MEF2C: variants seen among roughly 807,000 people sequenced by gnomAD.
MEF2C encodes myocyte enhancer factor 2C, also known as myocyte-specific enhancer factor 2C.
In MEF2C, 6 loss-of-function variants were observed where a neutral mutation model predicts 50.5. The observed-to-expected ratio is 0.12, with a 90% CI of 0.07 to 0.23. The LOEUF (loss-of-function observed/expected upper bound fraction) is 0.23. Ranked by LOEUF, MEF2C falls within the 10% of genes least tolerant of loss-of-function variation. MEF2C has a pLI of 1.00. For synonymous variants in MEF2C, 183 were observed against 228.0 expected, an observed-to-expected ratio of 0.80 and a Z score of 1.78; for missense variants, 276 against 605.0, an observed-to-expected ratio of 0.46 and a Z score of 5.70.
intron 1 of MEF2C, chr5:88,889,324 C>T (rs1287720598): frequency 6.6e-6 from 1 of 152,322 alleles, no homozygotes; most frequent in Non-Finnish European, 1.5e-5. Context: ...TGCCGATCCT[C>T]CCCTCCAACA....
chr5:88,816,465 C>CTTTTT (rs70996497), intron 2 of MEF2C, among the ~76,000 whole-genome samples: 15 of 86,120 alleles, frequency 1.7e-4, no homozygotes, highest in South Asian at 8.7e-4. Context: ...CTGCCTACTG[C>CTTTTT]TTTTTTTTTT....
chr5:88,766,333 T>C (rs1222811016), intron 3 of MEF2C, among the ~76,000 whole-genome samples: 3 of 152,230 alleles, frequency 2.0e-5, no homozygotes, highest in African/African-American at 7.2e-5. Flanking sequence ...CGTTATCAAC[T>C]AGAAAATCCT....
At chr5:88,807,202 C>A (rs980774534) in intron 2 of MEF2C, among the ~76,000 whole-genome samples, 4 of 152,070 alleles carry the variant, frequency 2.6e-5, no homozygotes, top group Admixed American at 1.3e-4. Context: ...GCTAGTCATG[C>A]GAAATTCACT....
At chr5:88,862,392 G>T (rs893540361) in intron 1 of MEF2C, among the ~76,000 whole-genome samples, 1 of 152,020 alleles carries the variant, frequency 6.6e-6, no homozygotes, top group South Asian at 2.1e-4. Context: ...CGTATTCTAC[G>T]TGTCTTATAA....
chr5:88,747,060 C>T (rs1395905277), intron 6 of MEF2C, among the ~76,000 whole-genome samples: 8 of 152,140 alleles, frequency 5.3e-5, no homozygotes, highest in Admixed American at 5.2e-4. Flanking sequence ...GATGAATTTG[C>T]TAAGTGCATA....
At chr5:88,867,483 T>C (rs1452955251) in intron 1 of MEF2C, among the ~76,000 whole-genome samples, 1 of 152,178 alleles carries the variant, frequency 6.6e-6, no homozygotes, top group African/African-American at 2.4e-5. Context: ...TAACTGCACC[T>C]ACCTCATTAA....
At chr5:88,754,946 A>C (rs1355259328) in intron 4 of MEF2C, among the ~76,000 whole-genome samples, 1 of 151,744 alleles carries the variant, frequency 6.6e-6, no homozygotes, top group African/African-American at 2.4e-5. Context: ...GAACTGCATC[A>C]CCTCCTTCAA....
intron 2 of MEF2C, among the ~76,000 whole-genome samples, chr5:88,810,852 C>A (rs1802475968): frequency 6.6e-6 from 1 of 152,056 alleles, no homozygotes; most frequent in Non-Finnish European, 1.5e-5. Flanking sequence ...TGAGCAAACC[C>A]AGTAGGTGAT....
intron 1 of MEF2C, among the ~76,000 whole-genome samples, chr5:88,863,855 T>C (rs1238783339): frequency 1.3e-5 from 2 of 149,806 alleles, no homozygotes; most frequent in African/African-American, 4.9e-5. Context: ...AGAGCCTCGC[T>C]CTGTCTCTCA....
intron 2 of MEF2C, among the ~76,000 whole-genome samples, chr5:88,813,750 A>C (rs900618859): frequency 6.6e-6 from 1 of 151,354 alleles, no homozygotes; most frequent in African/African-American, 2.4e-5. Context: ...CAATGAATGG[A>C]TAATTTTTTA....
chr5:88,820,655 G>A (rs963148532), intron 2 of MEF2C, among the ~76,000 whole-genome samples: 1 of 152,020 alleles, frequency 6.6e-6, no homozygotes, highest in Non-Finnish European at 1.5e-5. Flanking sequence ...GCCATTGCAT[G>A]AGGTTCTACT....
intron 3 of MEF2C, among the ~76,000 whole-genome samples, chr5:88,800,463 G>T (rs541351940): frequency 6.6e-6 from 1 of 152,316 alleles, no homozygotes; most frequent in East Asian, 1.9e-4. Context: ...CTTCCACAGT[G>T]CTGAGCATGA....
intron 3 of MEF2C, among the ~76,000 whole-genome samples, chr5:88,773,457 T>C (rs1561943845): frequency 1.3e-5 from 2 of 152,222 alleles, no homozygotes; most frequent in Non-Finnish European, 2.9e-5. Context: ...TTAATGTCTC[T>C]TTTATTCTTC....
At position 88,720,242 on chromosome 5, in the gene MEF2C, T is replaced by C. The variant is rs1273659892; in HGVS notation, c.*2362A>G. The stretch of plus-strand genomic sequence containing the variant: ...TGTGTGTGTATGAGTGTGTATATTT[T>C]CAGGGATGTTTTTGTTTTTCCTCTG... On this transcript the variant is annotated 3_prime_UTR_variant, in exon 11 of 11. Transcript: ENST00000504921. 1 of 152,278 alleles carries C rather than the reference T, an allele frequency of 6.6e-6. No individual in the cohort carries two copies. The allele number at this position is 152,278 out of a possible 1,614,324, so 9.4% of individuals were successfully genotyped here. A position where few individuals can be genotyped will look rare whatever the true frequency, so the allele number is the denominator to read the frequency against.
chr5:88,758,797 T>C (rs887456932), intron 4 of MEF2C, among the ~76,000 whole-genome samples: 9 of 152,158 alleles, frequency 5.9e-5, no homozygotes, highest in African/African-American at 2.2e-4. Flanking sequence ...GCCCGTAAAC[T>C]CTAATGTGGT....
intron 10 of MEF2C, among the ~76,000 whole-genome samples, chr5:88,725,729 T>G (rs947796804): frequency 6.6e-6 from 1 of 152,096 alleles, no homozygotes; most frequent in East Asian, 1.9e-4. Flanking sequence ...TTATTCAAAA[T>G]TTTTACTGCC....
At chr5:88,858,764 T>C (rs1276904307) in intron 1 of MEF2C, among the ~76,000 whole-genome samples, 1 of 152,196 alleles carries the variant, frequency 6.6e-6, no homozygotes, top group Non-Finnish European at 1.5e-5. Context: ...ATGCTTATTA[T>C]ACATCTGCAT....
intron 4 of MEF2C, 128 bp from the exon 5 acceptor site, chr5:88,752,171 T>C: frequency 1.3e-6 from 1 of 782,034 alleles, no homozygotes; most frequent in Non-Finnish European, 1.9e-6. Context: ...TAGAAGACCA[T>C]TAAGAAGAGC....
At chr5:88,862,212 C>T (rs1391624428) in intron 1 of MEF2C, among the ~76,000 whole-genome samples, 2 of 152,156 alleles carry the variant, frequency 1.3e-5, no homozygotes, top group Admixed American at 6.5e-5. Flanking sequence ...GGTAAGGCTT[C>T]CTACGAAATA....
Sources: allele counts gnomAD v4.1 joint callset (sites outside exome capture counted in the v4.1 genomes callset), GRCh38; gene constraint gnomAD v4.1.1; transcripts MANE v1.5; gene names NCBI Gene and HGNC (gene_info 2026-07-23, HGNC 2026-07-21).